MIA2: variants seen among roughly 807,000 people sequenced by gnomAD.
The protein encoded by MIA2 is melanoma inhibitory activity protein 2.
In MIA2, 127 loss-of-function variants were observed where a neutral mutation model predicts 167.8. That is an observed-to-expected ratio of 0.76 (90% CI 0.66 to 0.88). MIA2 has a LOEUF of 0.88. MIA2 is among the 40% of genes least tolerant of loss of function. MIA2 has a pLI of 0.00. For missense variants in MIA2, 1,690 were observed against 1,624.7 expected (o/e 1.04, Z -0.69); for synonymous variants, 552 against 541.9 (o/e 1.02, Z -0.26).
intron 6 of MIA2, among the ~76,000 whole-genome samples, chr14:39,262,263 T>G (rs2055157568): frequency 6.6e-6 from 1 of 152,264 alleles, no homozygotes; most frequent in Non-Finnish European, 1.5e-5. Context: ...CACCATTTAT[T>G]AAATAGGTTA....
At chr14:39,304,628 C>G (rs982448446) in intron 17 of MIA2, among the ~76,000 whole-genome samples, 1 of 152,000 alleles carries the variant, frequency 6.6e-6, no homozygotes, top group African/African-American at 2.4e-5. Context: ...ACATGTAAAA[C>G]CGTATTTATC....
chr14:39,311,824 T>TTG (rs71435641), intron 18 of MIA2, among the ~76,000 whole-genome samples: 4 of 88,394 alleles, frequency 4.5e-5, no homozygotes, highest in African/African-American at 7.0e-5. Context: ...ATGATGGTTT[T>TTG]TGTGTGTGTG....
chr14:39,273,826 G>A (rs61998553), intron 6 of MIA2, among the ~76,000 whole-genome samples: 52,693 of 151,858 alleles, frequency 0.35, 10,765 homozygotes, highest in Non-Finnish European at 0.46. Flanking sequence ...TGGCTTTTAG[G>A]GTAAATACCA....
chr14:39,297,077 A>G (rs116470124), intron 13 of MIA2, among the ~76,000 whole-genome samples: 4 of 150,938 alleles, frequency 2.7e-5, no homozygotes, highest in East Asian at 2.0e-4. Context: ...ACGCCCGGCT[A>G]TTGGTGGGCT....
rs753798108 is a variant in MIA2 at position 39,267,574 on chromosome 14, C to T, written c.1888-9360C>T. On this transcript the variant is annotated intron_variant, in intron 6 of 28. Coordinates refer to ENST00000640607, the MANE Select transcript of MIA2 (RefSeq NM_001329214.4). ...GTGGCCCAGGGGTCGCGGGAGCCGC[C>T]GGGGGAAGGAAGCAGTAGACCGGCT... is the stretch of plus-strand genomic sequence containing the variant. 4.4e-6 allele frequency: 7 copies of T among 1,601,186 alleles called. No individual in the cohort carries two copies. In the Admixed American group the frequency reaches 5.1e-5, roughly 12 times the overall value.
intron 17 of MIA2, among the ~76,000 whole-genome samples, chr14:39,305,796 C>G (rs2063240515): frequency 6.6e-6 from 1 of 151,946 alleles, no homozygotes; most frequent in Non-Finnish European, 1.5e-5. Context: ...ATTAGTCGGG[C>G]GTGGTGGCAC....
intron 6 of MIA2, among the ~76,000 whole-genome samples, chr14:39,260,832 T>C (rs2055066624): frequency 6.6e-6 from 1 of 152,222 alleles, no homozygotes. Context: ...AGGGTTTTTA[T>C]GGTTTTAGGT....
At chr14:39,307,095 A>G (rs2063456111) in intron 17 of MIA2, among the ~76,000 whole-genome samples, 1 of 152,060 alleles carries the variant, frequency 6.6e-6, no homozygotes, top group Non-Finnish European at 1.5e-5. Context: ...TTATGAGAAG[A>G]TCTAGATTTC....
chr14:39,266,075 C>G (rs1228074275), intron 6 of MIA2: 2 of 985,300 alleles, frequency 2.0e-6, no homozygotes, highest in East Asian at 1.1e-4. Flanking sequence ...AATGGCATAA[C>G]AGTTCGTTGC....
intron 6 of MIA2, among the ~76,000 whole-genome samples, chr14:39,270,648 C>T (rs1244714759): frequency 6.6e-6 from 1 of 152,168 alleles, no homozygotes; most frequent in African/African-American, 2.4e-5. Flanking sequence ...CCTGCCTCAG[C>T]CTTCCAGAGT....
intron 10 of MIA2, chr14:39,292,800 A>G (rs2060909497): frequency 5.7e-6 from 1 of 175,880 alleles, no homozygotes; most frequent in Non-Finnish European, 1.2e-5. Flanking sequence ...TCTTAATTCA[A>G]TATGGAATAT....
intron 23 of MIA2, among the ~76,000 whole-genome samples, chr14:39,362,076 G>T (rs2074694295): frequency 6.6e-6 from 1 of 152,056 alleles, no homozygotes; most frequent in Non-Finnish European, 1.5e-5. Flanking sequence ...TATGCTTTTT[G>T]ATTCAGTTTG....
intron 23 of MIA2, among the ~76,000 whole-genome samples, chr14:39,359,922 T>G (rs2074636769): frequency 6.6e-6 from 1 of 152,116 alleles, no homozygotes; most frequent in South Asian, 2.1e-4. Context: ...TTTGCCATAG[T>G]GGTTATACTA....
chr14:39,292,791 C>G (rs1338292917), intron 10 of MIA2: 4 of 176,854 alleles, frequency 2.3e-5, no homozygotes, highest in African/African-American at 9.6e-5. Flanking sequence ...GAAAATAGGT[C>G]TTAATTCAAT....
chr14:39,263,817 A>G (rs1466029544), intron 6 of MIA2, among the ~76,000 whole-genome samples: 1 of 151,894 alleles, frequency 6.6e-6, no homozygotes, highest in Non-Finnish European at 1.5e-5. Context: ...ATTTTTTAGT[A>G]GAGACGGGGT....
chr14:39,261,426 T>C (rs2055107716), intron 6 of MIA2, among the ~76,000 whole-genome samples: 1 of 152,216 alleles, frequency 6.6e-6, no homozygotes, highest in Admixed American at 6.5e-5. Context: ...TCTTTGCTAA[T>C]GTGAATAGTG....
chr14:39,297,817 T>G (rs1281665507), intron 13 of MIA2, among the ~76,000 whole-genome samples: 3 of 152,012 alleles, frequency 2.0e-5, no homozygotes, highest in African/African-American at 7.2e-5. Flanking sequence ...TTTTGGCCAG[T>G]CCTCCTTTTT....
intron 25 of MIA2, among the ~76,000 whole-genome samples, chr14:39,343,270 G>T (rs2072432226): frequency 6.6e-6 from 1 of 152,046 alleles, no homozygotes; most frequent in Non-Finnish European, 1.5e-5. Context: ...TCAGCCTCCC[G>T]AGTAGCTGGG....
chr14:39,359,308 G>C (rs1248286093), intron 23 of MIA2, among the ~76,000 whole-genome samples: 2 of 152,358 alleles, frequency 1.3e-5, no homozygotes, highest in Middle Eastern at 3.4e-3. Flanking sequence ...AGACTGCTGT[G>C]CTAGCAATGA....
Sources: allele counts gnomAD v4.1 joint callset (sites outside exome capture counted in the v4.1 genomes callset), GRCh38; gene constraint gnomAD v4.1.1; transcripts MANE v1.5; gene names NCBI Gene and HGNC (gene_info 2026-07-23, HGNC 2026-07-21).